Variants in SMARCE1 observed in about 807,000 individuals in gnomAD.
SMARCE1 encodes SWI/SNF-related matrix-associated actin-dependent regulator of chromatin subfamily E member 1.
A neutral mutation model predicts 54.9 loss-of-function variants in SMARCE1; 13 were observed. The observed-to-expected ratio is 0.24, with a 90% CI of 0.15 to 0.38. The LOEUF (loss-of-function observed/expected upper bound fraction) is 0.38, where lower values mean the gene tolerates loss of function less well. Ranked by LOEUF, SMARCE1 falls within the 10% of genes least tolerant of loss-of-function variation. The pLI is 1.00. For missense variants in SMARCE1, 295 were observed against 523.8 expected, an observed-to-expected ratio of 0.56 and a Z score of 4.26; for synonymous variants, 151 against 175.3, an observed-to-expected ratio of 0.86 and a Z score of 1.10.
rs2037213033 is a variant in SMARCE1 at position 40,642,853 on chromosome 17, G to A, written c.52-294C>T. ...TTTTTGAGGTAAGCAACACACTGAA[G>A]TGTTTAAAACATTCAGGATTACTTT... On this transcript the variant is annotated intron_variant, in intron 3 of 10. Coordinates refer to ENST00000348513, the MANE Select transcript of SMARCE1 (RefSeq NM_003079.5). This position sits in a 1 kb window ranked among gnomAD's most constrained non-coding sequence, Gnocchi z 4.6. 2.9e-6 allele frequency: 1 copy of A among 343,862 alleles called. No homozygotes were observed. The highest frequency in any genetic ancestry group is 5.3e-6 in the Non-Finnish European group (1 of 190,462). 21.3% of individuals were successfully genotyped at this position (343,862 alleles called of 1,614,324 possible).
intron 5 of SMARCE1, chr17:40,636,889 C>T (rs2037150830): frequency 5.7e-6 from 1 of 174,722 alleles, no homozygotes; most frequent in South Asian, 1.4e-4. Context: ...TTGCATAACA[C>T]GGTACATCAT....
intron 7 of SMARCE1, chr17:40,633,220 G>C (rs2037113286): frequency 6.6e-6 from 1 of 152,156 alleles, no homozygotes; most frequent in African/African-American, 2.4e-5. Flanking sequence ...ATGTTGGCTA[G>C]GGTGGTCTTG....
chr17:40,632,506 T>A, intron 7 of SMARCE1, 139 bp from the exon 8 acceptor site: 4 of 652,956 alleles, frequency 6.1e-6, no homozygotes, highest in East Asian at 2.7e-5. Context: ...ATGGGAGCAC[T>A]GGGGCAGTTA....
chr17:40,630,680 G>A (rs1342956720), intron 10 of SMARCE1, 34 bp downstream of exon 10: 1 of 1,552,316 alleles, frequency 6.4e-7, no homozygotes, highest in Non-Finnish European at 8.9e-7. Flanking sequence ...ACAAAGTCTT[G>A]GCACTGCCTC....
At chr17:40,634,621 T>C (rs1466567761) in intron 7 of SMARCE1, 2 of 152,242 alleles carry the variant, frequency 1.3e-5, no homozygotes, top group African/African-American at 2.4e-5. Flanking sequence ...CTGAATTTAC[T>C]AGCAACTTTA....
In SMARCE1 at chr17:40,635,973, C is replaced by T; in HGVS notation, c.499G>A (p.Gly167Arg). ...GGCTGAATGCTCATGTACGGTTCTC[C>T]TTTCTCCATGCGAGATTGTCTCTGT... is the stretch of plus-strand genomic sequence containing the variant. ...SRQRQSRMEKGEPYMSIQPAE... is the reference protein window; with the variant it reads ...SRQRQSRMEKREPYMSIQPAE... Residue 167 changes from glycine to arginine, a missense_variant, in exon 7 of 11, where the codon GGA becomes AGA. Transcript: ENST00000348513. 1 of 1,612,736 alleles carries T rather than the reference C, an allele frequency of 6.2e-7. No homozygotes were observed. Among genetic ancestry groups the T allele is most frequent in the Admixed American group, 1.7e-5 (1 of 59,744 alleles).
At chr17:40,640,675 T>C (rs2037190649) in intron 4 of SMARCE1, 1 of 152,194 alleles carries the variant, frequency 6.6e-6, no homozygotes, top group South Asian at 2.1e-4. Context: ...AACCTCCACA[T>C]TTTCTAGGCC....
chr17:40,637,571 G>A lies in SMARCE1; in HGVS notation c.158C>T (p.Ala53Val). The A allele has an allele frequency of 6.2e-7, 1 of 1,612,014 alleles. No individual in the cohort carries two copies. The highest frequency in any genetic ancestry group is 8.5e-7 in the Non-Finnish European group (1 of 1,178,224). The change falls in exon 5 of 11, where the codon GCA becomes GTA. Residue 53 changes from alanine to valine, a missense_variant and splice_region_variant. Physicochemically the swap from Ala to Val is moderately conservative, Grantham distance 64. Transcript: ENST00000348513. ...GNPGTNSRVT[A>V]SSGITIPKPP... The stretch of plus-strand genomic sequence containing the variant: ...TTTTGGAATCGTGATACCAGAGGAT[G>A]CCTACGAAAGAGTTAAATACATTCA...
At chr17:40,631,327 G>C in intron 9 of SMARCE1, 1 of 367,728 alleles carries the variant, frequency 2.7e-6, no homozygotes, top group South Asian at 5.5e-5. Context: ...ATTAATGACT[G>C]TATGGGAGTT....
rs772432672 is a variant in SMARCE1, at chr17:40,636,045, T to C, written c.427A>G (p.Ile143Val). The change falls in exon 7 of 11, where the codon ATA becomes GTA. Residue 143 changes from isoleucine (I) to valine (V), a missense_variant. Transcript: ENST00000348513. ...YHNSPAYLAY[I>V]NAKSRAEAAL... ...GCTTCTGCACGACTTTTTGCATTTA[T>C]GTAAGCAAGGTACGCGGGGGAATTA... is the stretch of plus-strand genomic sequence containing the variant. The C allele has an allele frequency of 2.5e-6, 4 of 1,613,802 alleles. No homozygotes were observed. The highest frequency in any genetic ancestry group is 2.7e-5 in the African/African-American group (2 of 75,036).
In SMARCE1 at chr17:40,625,810, A is replaced by G. The variant is rs1265295737; in HGVS notation, c.*2975T>C. 6.6e-6 allele frequency: 1 copy of G among 152,216 alleles called. No individual in the cohort carries two copies. The highest frequency in any genetic ancestry group is 2.4e-5 in the African/African-American group (1 of 41,444). 9.4% of individuals were successfully genotyped at this position (152,216 alleles called of 1,614,324 possible). A position where few individuals can be genotyped will look rare whatever the true frequency, so the allele number is the denominator to read the frequency against. On this transcript the variant is annotated 3_prime_UTR_variant, in exon 11 of 11. Coordinates refer to ENST00000348513, the MANE Select transcript of SMARCE1 (RefSeq NM_003079.5). The stretch of plus-strand genomic sequence containing the variant: ...ATTATTGTGTTAATGTGAAATAGCT[A>G]TTTACCTCTCCAAACCTCGGCTTTA...
chr17:40,645,588 T>C lies in SMARCE1; in HGVS notation c.39A>G (p.Pro13=). The C allele has an allele frequency of 6.4e-7, 1 of 1,565,824 alleles. No individual in the cohort carries two copies. The highest frequency in any genetic ancestry group is 8.6e-7 in the Non-Finnish European group (1 of 1,165,092). The change falls in exon 3 of 11, where the codon CCA becomes CCG. Residue 13 remains proline, a synonymous_variant. Transcript: ENST00000348513. ...KRPSYAPPPT[P]APATQMPSTP... is the part of the protein sequence containing the mutation. ...AATTAAAACTTACTGTTGCAGGAGC[T>C]GGGGTGGGAGGTGGGGCATAAGATG...
At position 40,642,427 on chromosome 17, in the gene SMARCE1, C is replaced by T. The variant is rs370147074; in HGVS notation, c.156+28G>A. On this transcript the variant is annotated intron_variant, in intron 4 of 10. Coordinates refer to ENST00000348513, the MANE Select transcript of SMARCE1 (RefSeq NM_003079.5). The surrounding 1 kb of genome is among the most constrained non-coding windows in gnomAD (Gnocchi z 4.6). ...TTTCTGGTCAATTCCAGTTGTTTGC[C>T]GGATGCTGTAATAGTTGATTCTCCT... 1.1e-5 allele frequency: 14 copies of T among 1,301,684 alleles called. No homozygotes were observed. The highest frequency in any genetic ancestry group is 1.7e-5 in the Admixed American group (1 of 59,562). The allele number at this position is 1,301,684 out of a possible 1,614,324, so 80.6% of individuals were successfully genotyped here.
At chr17:40,637,379 C>G in intron 5 of SMARCE1, 113 bp downstream of exon 5, 2 of 865,722 alleles carry the variant, frequency 2.3e-6, no homozygotes, top group African/African-American at 3.3e-5. Context: ...TTTTTTTGGA[C>G]CTTTCCTCTG....
chr17:40,645,717 G>T, intron 2 of SMARCE1, 79 bp downstream of exon 2: 1 of 1,094,752 alleles, frequency 9.1e-7, no homozygotes, highest in Non-Finnish European at 1.3e-6. Context: ...AAAAAAATGA[G>T]AGTATTTTGG....
In SMARCE1 at chr17:40,625,131, C is replaced by A. The variant is rs2037023067; in HGVS notation, c.*3654G>T. 2 of 152,208 alleles carry A rather than the reference C, an allele frequency of 1.3e-5. No homozygotes were observed. The highest frequency in any genetic ancestry group is 1.5e-5 in the Non-Finnish European group (1 of 68,028). 9.4% of individuals were successfully genotyped at this position (152,208 alleles called of 1,614,324 possible). A position where few individuals can be genotyped will look rare whatever the true frequency, so the allele number is the denominator to read the frequency against. On this transcript the variant is annotated 3_prime_UTR_variant, in exon 11 of 11. Coordinates refer to ENST00000348513, the MANE Select transcript of SMARCE1 (RefSeq NM_003079.5). The stretch of plus-strand genomic sequence containing the variant: ...AATGCAGAATTTAGGTTAAGCCAGT[C>A]ATTTTGTAGATGAAATTGTACACTG...
At position 40,625,545 on chromosome 17, in the gene SMARCE1, A is replaced by T. The variant is rs1330194474; in HGVS notation, c.*3240T>A. 1 of 148,776 alleles carries T rather than the reference A, an allele frequency of 6.7e-6. No homozygotes were observed. Among genetic ancestry groups the T allele is most frequent in the Non-Finnish European group, 1.5e-5 (1 of 67,548 alleles). The allele number at this position is 148,776 out of a possible 1,614,324, so 9.2% of individuals were successfully genotyped here. On this transcript the variant is annotated 3_prime_UTR_variant, in exon 11 of 11. Transcript: ENST00000348513. ...GAGGGAAACTATTTCTGAAATGAGG[A>T]CTTAAAGTATAATACCAGCTTCACT...
Position 40,631,607 on chromosome 17 carries a change from G to C in SMARCE1, c.801C>G (p.Asn267Lys). The C allele has an allele frequency of 6.4e-7, 1 of 1,567,352 alleles. No individual in the cohort carries two copies. The highest frequency in any genetic ancestry group is 1.1e-5 in the South Asian group (1 of 90,090). ...RKFLESTDSF[N>K]NELKRLCGLK... ...AAACAGATACCCTTTTAAGTTCATTGTTAAATGAATCTGTGCTTTCCAGGA... is the reference window on the plus strand; with the variant it reads ...AAACAGATACCCTTTTAAGTTCATTCTTAAATGAATCTGTGCTTTCCAGGA... Residue 267 changes from asparagine (N) to lysine (K), a missense_variant, in exon 9 of 11, where the codon AAC (asparagine) becomes AAG (lysine). Physicochemically the swap from Asn to Lys is moderately conservative, Grantham distance 94. Coordinates refer to ENST00000348513, the MANE Select transcript of SMARCE1 (RefSeq NM_003079.5).
chr17:40,632,085 G>T, intron 8 of SMARCE1, 110 bp downstream of exon 8: 1 of 860,380 alleles, frequency 1.2e-6, no homozygotes, highest in Non-Finnish European at 1.8e-6. Context: ...ATCAGGAACA[G>T]GTTAGATTGA....
Sources: gnomAD v4.1 joint callset for allele counts on GRCh38, gnomAD v4.1.1 for gene constraint, Gnocchi (gnomAD v3.1) non-coding constraint, MANE v1.5 for transcripts, NCBI Gene and HGNC (gene_info 2026-07-23, HGNC 2026-07-21) for gene names.